The following CORIN variants were observed in gnomAD, a reference collection of about 807,000 sequenced individuals.
CORIN encodes corin, serine peptidase, also known as atrial natriuretic peptide-converting enzyme.
In CORIN, 117 loss-of-function variants were observed where a neutral mutation model predicts 125.3. The observed-to-expected ratio is 0.93, with a 90% CI of 0.80 to 1.09. The LOEUF (loss-of-function observed/expected upper bound fraction) is 1.09. CORIN is among the 50% of genes least tolerant of loss of function. The pLI, the probability that CORIN is intolerant of heterozygous loss-of-function variation, is 0.00. For synonymous variants in CORIN, 450 were observed against 466.4 expected (o/e 0.96, Z 0.45); for missense variants, 1,253 against 1,306.7 (o/e 0.96, Z 0.63).
chr4:47,700,643 C>T (rs1726242813), intron 5 of CORIN, among the ~76,000 whole-genome samples: 1 of 152,168 alleles, frequency 6.6e-6, no homozygotes, highest in Non-Finnish European at 1.5e-5. Context: ...CTAGACAGAA[C>T]GCGCCATTGT....
At position 47,744,585 on chromosome 4, in the gene CORIN, TAA is replaced by T. The variant is rs372683178; in HGVS notation, c.618-4_618-3del. ...GACCTACAGGGCAGGAGTCCATGAC[TAA>T]AAAAAAAAAAAGAGAAAGGTGAAAA... On this transcript the variant is annotated splice_polypyrimidine_tract_variant and splice_region_variant and intron_variant, in intron 4 of 21. Transcript: ENST00000273857. 3.4e-3 allele frequency: 4,335 copies of T among 1,268,982 alleles called. No individual in the cohort carries two copies. Among genetic ancestry groups the T allele is most frequent in the South Asian group, 0.01 (662 of 64,668 alleles). The allele number at this position is 1,268,982 out of a possible 1,614,324, so 78.6% of individuals were successfully genotyped here. A position where few individuals can be genotyped will look rare whatever the true frequency, so the allele number is the denominator to read the frequency against.
intron 2 of CORIN, among the ~76,000 whole-genome samples, chr4:47,804,750 TAATGGGTACA>T (rs199682047): frequency 2.5e-4 from 37 of 148,606 alleles, no homozygotes; most frequent in African/African-American, 8.7e-4. Context: ...GGGGGGTTGT[TAATGGGTACA>T]AAAATTATGT....
intron 16 of CORIN, among the ~76,000 whole-genome samples, chr4:47,627,038 C>T (rs1722603586): frequency 6.6e-6 from 1 of 151,706 alleles, no homozygotes; most frequent in African/African-American, 2.4e-5. Context: ...GGCTGGGGTA[C>T]AGTGGTACAA....
intron 10 of CORIN, 37 bp from the exon 11 acceptor site, chr4:47,665,300 T>G (rs969933937): frequency 6.1e-6 from 9 of 1,483,984 alleles, no homozygotes; most frequent in Admixed American, 1.9e-5. Flanking sequence ...TTTTTAAATT[T>G]CACATATAAA....
At chr4:47,711,791 G>C (rs914304907) in intron 5 of CORIN, among the ~76,000 whole-genome samples, 5 of 152,194 alleles carry the variant, frequency 3.3e-5, no homozygotes, top group Admixed American at 3.3e-4. Context: ...ATAAGGTCAA[G>C]CCCCTGGTAT....
At chr4:47,631,662 T>C (rs1031384745) in intron 16 of CORIN, among the ~76,000 whole-genome samples, 1 of 152,156 alleles carries the variant, frequency 6.6e-6, no homozygotes, top group African/African-American at 2.4e-5. Context: ...GCCAAAACCA[T>C]TCCCCCCATC....
chr4:47,815,642 T>C (rs1002777966), intron 1 of CORIN, among the ~76,000 whole-genome samples: 8 of 152,144 alleles, frequency 5.3e-5, no homozygotes, highest in Non-Finnish European at 1.2e-4. Flanking sequence ...AGTAATAAAG[T>C]TTCCTTTTAG....
At chr4:47,728,279 T>G (rs766135920) in intron 5 of CORIN, among the ~76,000 whole-genome samples, 3 of 152,158 alleles carry the variant, frequency 2.0e-5, no homozygotes, top group Non-Finnish European at 4.4e-5. Context: ...ACATTACTGT[T>G]GAGAATATCA....
chr4:47,673,661 C>T (rs1403636493), intron 10 of CORIN, among the ~76,000 whole-genome samples: 1 of 152,140 alleles, frequency 6.6e-6, no homozygotes, highest in African/African-American at 2.4e-5. Context: ...TTTAGAGCCA[C>T]CTGCTTACAC....
chr4:47,806,895 T>A lies in CORIN; in HGVS notation c.208+8A>T, dbSNP rs764390993. The A allele has an allele frequency of 1.3e-5, 21 of 1,606,208 alleles. No homozygotes were observed. Among genetic ancestry groups the A allele is most frequent in the Admixed American group, 3.4e-5 (2 of 58,054 alleles). ...ACTTCATTTTTATTTAATAATGGCC[T>A]CACCCACCAACATAGGAAAGCAGGA... On this transcript the variant is annotated splice_region_variant and intron_variant, in intron 2 of 21. Transcript: ENST00000273857.
chr4:47,665,541 A>T (rs1189884936), intron 10 of CORIN, among the ~76,000 whole-genome samples: 2 of 152,174 alleles, frequency 1.3e-5, no homozygotes, highest in Non-Finnish European at 2.9e-5. Context: ...GGCTCAACTT[A>T]TCTAAAGATG....
chr4:47,744,463 T>C lies in CORIN; in HGVS notation c.738A>G (p.Gln246=), dbSNP rs567348021. The C allele has an allele frequency of 3.9e-4, 630 of 1,614,138 alleles. 6 individuals are homozygous for C. In the South Asian group the frequency reaches 6.6e-3, roughly 17 times the overall value. The change falls in exon 5 of 22, where the codon CAA becomes CAG. Residue 246 remains glutamine, a synonymous_variant. Coordinates refer to ENST00000273857, the MANE Select transcript of CORIN (RefSeq NM_006587.4). ...TTCTGCTGACATTGCTGCTTTCAGTTTGGTTTCTAAACTGGGAGCATCTGA... is the reference window on the plus strand; with the variant it reads ...TTCTGCTGACATTGCTGCTTTCAGTCTGGTTTCTAAACTGGGAGCATCTGA... The part of the protein sequence containing the change: ...DFLRCSQFRN[Q]TESSNVSRIC...
intron 18 of CORIN, 52 bp downstream of exon 18, chr4:47,623,847 A>G: frequency 6.2e-7 from 1 of 1,604,934 alleles, no homozygotes; most frequent in Non-Finnish European, 8.5e-7. Context: ...CCCCTGAGCC[A>G]ATCCAGTTCA....
At position 47,698,546 on chromosome 4, in the gene CORIN, G is replaced by A. The variant is rs1336687272; in HGVS notation, c.800-5463C>T. 2.0e-5 allele frequency among the ~76,000 whole-genome samples: 3 copies of A among 151,956 alleles called. No individual in the cohort carries two copies. The East Asian group carries it at 5.8e-4, about 30-fold the overall frequency. On this transcript the variant is annotated intron_variant, in intron 5 of 21. Coordinates refer to ENST00000273857, the MANE Select transcript of CORIN (RefSeq NM_006587.4). ...ACAAGGCTCTGCAGGCCTTTGTAAG[G>A]ACTTTGTAACTTTAACACAAGAGTC...
intron 5 of CORIN, among the ~76,000 whole-genome samples, chr4:47,726,947 A>T (rs972980775): frequency 7.9e-5 from 12 of 151,982 alleles, no homozygotes; most frequent in Admixed American, 7.2e-4. Flanking sequence ...TTTTTTATAA[A>T]TTTTTCTGAA....
chr4:47,736,857 C>A (rs1268328903), intron 5 of CORIN, among the ~76,000 whole-genome samples: 1 of 152,114 alleles, frequency 6.6e-6, no homozygotes, highest in African/African-American at 2.4e-5. Context: ...GGCGAAGAGA[C>A]AAAAATTAGA....
intron 5 of CORIN, among the ~76,000 whole-genome samples, chr4:47,698,247 T>C (rs1054870074): frequency 4.0e-5 from 6 of 151,710 alleles, no homozygotes; most frequent in Admixed American, 2.6e-4. Flanking sequence ...GTATAGGGTA[T>C]AGGAGTGGGG....
At chr4:47,801,416 G>C (rs1731535108) in intron 2 of CORIN, among the ~76,000 whole-genome samples, 1 of 152,082 alleles carries the variant, frequency 6.6e-6, no homozygotes, top group African/African-American at 2.4e-5. Flanking sequence ...CCACCCCAAA[G>C]GAACAGCAAA....
chr4:47,719,389 A>G (rs867274717), intron 5 of CORIN, among the ~76,000 whole-genome samples: 1 of 152,146 alleles, frequency 6.6e-6, no homozygotes, highest in East Asian at 1.9e-4. Context: ...TTGTTATATA[A>G]ATGAATAGTG....
Sources: allele counts gnomAD v4.1 joint callset (sites outside exome capture counted in the v4.1 genomes callset), GRCh38; gene constraint gnomAD v4.1.1; transcripts MANE v1.5; gene names NCBI Gene and HGNC (gene_info 2026-07-23, HGNC 2026-07-21).